The following RECQL4 variants were observed in gnomAD, a reference collection of about 807,000 sequenced individuals.
RECQL4 encodes RecQ like helicase 4, also known as ATP-dependent DNA helicase Q4.
RECQL4 carries 158 observed loss-of-function variants against 128.6 expected under a neutral mutation model. That is an observed-to-expected ratio of 1.23 (90% CI 1.08 to 1.40). The LOEUF (loss-of-function observed/expected upper bound fraction) is 1.40, where lower values mean the gene tolerates loss of function less well. RECQL4 is among the 40% of genes most tolerant of loss of function. The pLI is 0.00. For synonymous variants in RECQL4, 996 were observed against 678.9 expected (o/e 1.47, Z -7.26); for missense variants, 2,293 against 1,649.8 (o/e 1.39, Z -6.75).
At position 144,512,296 on chromosome 8, in the gene RECQL4, C is replaced by T. The variant is rs1827393391; in HGVS notation, c.3084G>A (p.Val1028=). The change falls in exon 18 of 21, where the codon GTG becomes GTA. Residue 1028 remains valine (V), a synonymous_variant. Coordinates refer to ENST00000617875, the MANE Select transcript of RECQL4 (RefSeq NM_004260.4). The part of the protein sequence containing the change: ...TGVRRGTGVL[V]EFSELAFHLR... ...GGTGGAAGGCCAGCTCACTGAACTC[C>T]ACAAGCACCCCTGTCCCACGCCGCA... The T allele has an allele frequency of 8.1e-6, 13 of 1,612,480 alleles. No homozygotes were observed. The highest frequency in any genetic ancestry group is 1.1e-5 in the Non-Finnish European group (13 of 1,179,792).
At chr8:144,514,645 G>A (rs991115821) in intron 9 of RECQL4, 120 bp from the exon 10 acceptor site, 1 of 1,105,482 alleles carries the variant, frequency 9.0e-7, no homozygotes, top group South Asian at 1.5e-5. Flanking sequence ...ACCAGGTCCT[G>A]GGTCCTAGGG....
At chr8:144,515,967 C>G (rs949767974) in intron 5 of RECQL4, 21 bp downstream of exon 5, 7 of 1,611,064 alleles carry the variant, frequency 4.3e-6, no homozygotes, top group Non-Finnish European at 5.9e-6. Flanking sequence ...GAATGCCTGT[C>G]CTGGCCCGTC....
At position 144,512,052 on chromosome 8, in the gene RECQL4, G is replaced by A. The variant is rs1263659474; in HGVS notation, c.3252C>T (p.Ser1084=). Residue 1084 remains serine, a synonymous_variant, in exon 19 of 21, where the codon AGC becomes AGT. Coordinates refer to ENST00000617875, the MANE Select transcript of RECQL4 (RefSeq NM_004260.4). The part of the protein sequence containing the change: ...FQAFHSVAFP[S]CGPCLEQQDE... ...CCTGCTGCTCCAGGCAGGGCCCGCA[G>A]CTGGGGAAGGCTACGCTGTGGGGAG... is the stretch of plus-strand genomic sequence containing the variant. 1 of 1,608,168 alleles carries A rather than the reference G, an allele frequency of 6.2e-7. No homozygotes were observed. The highest frequency in any genetic ancestry group is 2.2e-5 in the East Asian group (1 of 44,820).
chr8:144,514,603 A>C, intron 9 of RECQL4, 78 bp from the exon 10 acceptor site: 1 of 1,424,776 alleles, frequency 7.0e-7, no homozygotes, highest in South Asian at 1.3e-5. Context: ...AGCTGCTGCC[A>C]TGTCCATCCT....
chr8:144,515,399 A>G lies in RECQL4; in HGVS notation c.1317T>C (p.Pro439=). The G allele has an allele frequency of 6.2e-7, 1 of 1,612,788 alleles. No individual in the cohort carries two copies. Among genetic ancestry groups the G allele is most frequent in the South Asian group, 1.1e-5 (1 of 91,088 alleles). ...GPEPLVPSPQ[P]VPEVPSLDPT... is the part of the protein sequence containing the mutation. ...GGTCCAGGCTGGGCACCTCAGGTAC[A>G]GGTTGTGGTGAAGGAACCAGTGGCT... Residue 439 remains proline (P), a synonymous_variant, in exon 7 of 21, where the codon CCT becomes CCC. Coordinates refer to ENST00000617875, the MANE Select transcript of RECQL4 (RefSeq NM_004260.4).
chr8:144,516,908 G>T, intron 4 of RECQL4, 142 bp downstream of exon 4: 12 of 1,388,018 alleles, frequency 8.6e-6, no homozygotes, highest in Non-Finnish European at 1.2e-5. Flanking sequence ...AAGGGCGAAG[G>T]CCCCGAGAAG....
At position 144,516,170 on chromosome 8, in the gene RECQL4, G is replaced by C; in HGVS notation, c.949C>G (p.Pro317Ala). 1 of 1,613,478 alleles carries C rather than the reference G, an allele frequency of 6.2e-7. No homozygotes were observed. The highest frequency in any genetic ancestry group is 8.5e-7 in the Non-Finnish European group (1 of 1,179,878). The change falls in exon 5 of 21, where the codon CCC becomes GCC. Residue 317 changes from proline (P) to alanine (A), a missense_variant. Coordinates refer to ENST00000617875, the MANE Select transcript of RECQL4 (RefSeq NM_004260.4). ...PPQPCSSPSN[P>A]RYHGLSPSSQ... Reference sequence around the variant, plus strand: ...GAGGGGCTGAGTCCGTGGTACCTGGGGTTCGATGGGCTGCTGCAGGGCTGA... The same window carrying C: ...GAGGGGCTGAGTCCGTGGTACCTGGCGTTCGATGGGCTGCTGCAGGGCTGA...
At chr8:144,511,656 G>A in intron 20 of RECQL4, 25 bp downstream of exon 20, 1 of 1,608,484 alleles carries the variant, frequency 6.2e-7, no homozygotes, top group Middle Eastern at 1.7e-4. Flanking sequence ...CCAGCCTGCA[G>A]CGGGTGGGGC....
chr8:144,514,306 C>T lies in RECQL4; in HGVS notation c.1761G>A (p.Ala587=), dbSNP rs777920456. 41 of 1,610,022 alleles carry T rather than the reference C, an allele frequency of 2.5e-5. No homozygotes were observed. Among genetic ancestry groups the T allele is most frequent in the Middle Eastern group, 1.7e-4 (1 of 6,050 alleles). The part of the protein sequence containing the change: ...LMLTPEALVG[A]GGLPPAAQLP... ...GCTGTGCGGCTGGAGGGAGGCCTCCCGCCCCCACCAGTGCCTCAGGTGTCA... is the reference window on the plus strand; with the variant it reads ...GCTGTGCGGCTGGAGGGAGGCCTCCTGCCCCCACCAGTGCCTCAGGTGTCA... Residue 587 remains alanine (A), a synonymous_variant, in exon 11 of 21, where the codon GCG becomes GCA. Transcript: ENST00000617875.
At position 144,516,109 on chromosome 8, in the gene RECQL4, G is replaced by C. The variant is rs1434732916; in HGVS notation, c.1010C>G (p.Ala337Gly). The change falls in exon 5 of 21, where the codon GCC becomes GGC. Residue 337 changes from alanine to glycine, a missense_variant. By Grantham distance (60) the Ala-to-Gly change is moderately conservative. Coordinates refer to ENST00000617875, the MANE Select transcript of RECQL4 (RefSeq NM_004260.4). ...CAGCCGAGGGAAGATGTGCAGGGGG[G>C]CTGTGCCCTCAGCCTTCCCAGCCCT... ...QARAGKAEGT[A>G]PLHIFPRLAR... is the part of the protein sequence containing the mutation. 1 of 1,612,812 alleles carries C rather than the reference G, an allele frequency of 6.2e-7. No homozygotes were observed. The highest frequency in any genetic ancestry group is 1.3e-5 in the African/African-American group (1 of 74,946).
chr8:144,512,100 G>T, intron 18 of RECQL4, 33 bp from the exon 19 acceptor site: 1 of 1,603,892 alleles, frequency 6.2e-7, no homozygotes. Context: ...GCTGATCACT[G>T]CGGGAGGGTG....
At position 144,517,488 on chromosome 8, in the gene RECQL4, T is replaced by C. The variant is rs779041769; in HGVS notation, c.139A>G (p.Thr47Ala). The C allele has an allele frequency of 2.5e-6, 4 of 1,597,310 alleles. No homozygotes were observed. Among genetic ancestry groups the C allele is most frequent in the East Asian group, 2.2e-5 (1 of 44,542 alleles). ...GCCTGGCCCGTGGTACGCTTCAGAG[T>C]GCGGTATTCCCGGTAGAGCGCTGCG... ...ETRALYREYR[T>A]LKRTTGQAGG... is the part of the protein sequence containing the mutation. The change falls in exon 3 of 21, where the codon ACT (threonine) becomes GCT (alanine). Residue 47 changes from threonine to alanine, a missense_variant. Physicochemically the swap from Thr to Ala is moderately conservative, Grantham distance 58. Coordinates refer to ENST00000617875, the MANE Select transcript of RECQL4 (RefSeq NM_004260.4).
Position 144,514,534 on chromosome 8 carries a change from G to A in RECQL4, c.1621-9C>T, listed in dbSNP as rs758888472. On this transcript the variant is annotated splice_polypyrimidine_tract_variant and intron_variant, in intron 9 of 20. Coordinates refer to ENST00000617875, the MANE Select transcript of RECQL4 (RefSeq NM_004260.4). ...GGTGGCAGGCCAGACACCTGCAAAT[G>A]CAGGAGCGACAGCCGTCATACGCCA... 20 of 1,609,664 alleles carry A rather than the reference G, an allele frequency of 1.2e-5. No individual in the cohort carries two copies. The highest frequency in any genetic ancestry group is 4.0e-5 in the African/African-American group (3 of 74,850).
intron 12 of RECQL4, 34 bp downstream of exon 12, chr8:144,513,894 G>C: frequency 6.5e-7 from 1 of 1,536,586 alleles, no homozygotes; most frequent in Non-Finnish European, 8.8e-7. Flanking sequence ...CAGCAGCCAG[G>C]GCCCTGCAGG....
rs35225938 is a variant in RECQL4, at chr8:144,511,458, C to T, written c.3600G>A (p.Thr1200=). 245 of 1,612,552 alleles carry T rather than the reference C, an allele frequency of 1.5e-4. No individual in the cohort carries two copies. The African/African-American group carries it at 2.0e-3, about 13-fold the overall frequency. The change falls in exon 21 of 21, where the codon ACG becomes ACA. Residue 1200 remains threonine (T), a synonymous_variant. Coordinates refer to ENST00000617875, the MANE Select transcript of RECQL4 (RefSeq NM_004260.4). The part of the protein sequence containing the change: ...LSFHALVGLA[T]EELLQVAR ...AGCGGGCCACCTGCAGGAGCTCTTC[C>T]GTGGCCAGGCCCACCAGGGCATGGA...
intron 8 of RECQL4, 27 bp from the exon 9 acceptor site, chr8:144,515,099 G>C (rs1454730210): frequency 2.4e-5 from 38 of 1,590,830 alleles, no homozygotes; most frequent in Non-Finnish European, 3.1e-5. Context: ...TCAGCAGCAG[G>C]GTTCTGCAGC....
intron 4 of RECQL4, 27 bp from the exon 5 acceptor site, chr8:144,516,791 G>A (rs369327203): frequency 2.4e-5 from 37 of 1,513,176 alleles, no homozygotes; most frequent in South Asian, 1.1e-4. Flanking sequence ...AGAACAGCAG[G>A]AGGAACTCAG....
rs757228367 is a variant in RECQL4 at position 144,512,875 on chromosome 8, G to A, written c.2727C>T (p.Thr909=). ...CCTCCGGCATGTCCAAAGCCTGTACGGTAAGCTGTATTGGGAGTGCCCGCT... is the reference window on the plus strand; with the variant it reads ...CCTCCGGCATGTCCAAAGCCTGTACAGTAAGCTGTATTGGGAGTGCCCGCT... ...GHERALPIQL[T]VQALDMPEEA... The change falls in exon 15 of 21, where the codon ACC becomes ACT. Residue 909 remains threonine, a synonymous_variant. Coordinates refer to ENST00000617875, the MANE Select transcript of RECQL4 (RefSeq NM_004260.4). The A allele has an allele frequency of 3.0e-5, 48 of 1,598,272 alleles. No individual in the cohort carries two copies. The highest frequency in any genetic ancestry group is 1.9e-4 in the South Asian group (17 of 89,028).
chr8:144,512,854 C>G lies in RECQL4; in HGVS notation c.2748G>C (p.Pro916=). 1 of 1,604,092 alleles carries G rather than the reference C, an allele frequency of 6.2e-7. No individual in the cohort carries two copies. Among genetic ancestry groups the G allele is most frequent in the Admixed American group, 1.7e-5 (1 of 58,714 alleles). Residue 916 remains proline (P), a synonymous_variant, in exon 15 of 21, where the codon CCG becomes CCC. Coordinates refer to ENST00000617875, the MANE Select transcript of RECQL4 (RefSeq NM_004260.4). ...TTACCCCAGGTTCCTCACCCTCCTC[C>G]GGCATGTCCAAAGCCTGTACGGTAA... ...IQLTVQALDM[P]EEAIETLLCY... is the part of the protein sequence containing the mutation.
Sources: allele counts gnomAD v4.1 joint callset, GRCh38; gene constraint gnomAD v4.1.1; transcripts MANE v1.5; gene names NCBI Gene and HGNC (gene_info 2026-07-23, HGNC 2026-07-21).